TSC22D1: variants seen among roughly 807,000 people sequenced by gnomAD.
TSC22D1 encodes the protein TSC22 domain family protein 1.
TSC22D1 carries 9 observed loss-of-function variants against 74.2 expected under a neutral mutation model. That is an observed-to-expected ratio of 0.12 (90% CI 0.07 to 0.21). The LOEUF is 0.21. Ranked by LOEUF, TSC22D1 falls within the 10% of genes least tolerant of loss-of-function variation. TSC22D1 has a pLI of 1.00. For synonymous variants in TSC22D1, 586 were observed against 492.5 expected, an observed-to-expected ratio of 1.19 and a Z score of -2.51; for missense variants, 1,427 against 1,304.7, an observed-to-expected ratio of 1.09 and a Z score of -1.44.
chr13:44,504,160 G>A (rs7337001), intron 1 of TSC22D1, among the ~76,000 whole-genome samples: 3 of 147,172 alleles, frequency 2.0e-5, no homozygotes, highest in African/African-American at 7.5e-5. Context: ...AAAACTACTT[G>A]ACTTGACTTG....
At chr13:44,490,937 A>T (rs1175239) in intron 1 of TSC22D1, among the ~76,000 whole-genome samples, 25,277 of 149,646 alleles carry the variant, frequency 0.17, 4,213 homozygotes, top group African/African-American at 0.43. Context: ...CATTAAAAAA[A>T]ATATATATAC....
At position 44,574,994 on chromosome 13, in the gene TSC22D1, C is replaced by T. The variant is rs753595410; in HGVS notation, c.1081G>A (p.Val361Met). The T allele has an allele frequency of 5.0e-6, 8 of 1,614,148 alleles. No homozygotes were observed. The highest frequency in any genetic ancestry group is 2.2e-5 in the East Asian group (1 of 44,884). Residue 361 changes from valine to methionine, a missense_variant, in exon 1 of 3, where the codon GTG becomes ATG. This residue lies in a region of TSC22D1 where 1,343 missense variants were observed against 1,191.5 expected (regional missense o/e 1.13). Transcript: ENST00000458659. ...VGPGVTSGVNVNILSGMGNGT... is the reference protein window; with the variant it reads ...VGPGVTSGVNMNILSGMGNGT... The stretch of plus-strand genomic sequence containing the variant: ...TTGCCCATGCCACTCAAGATATTCA[C>T]ATTAACACCACTGGTAACTCCAGGC...
intron 1 of TSC22D1, among the ~76,000 whole-genome samples, chr13:44,552,278 G>T (rs1882331975): frequency 6.6e-6 from 1 of 152,158 alleles, no homozygotes; most frequent in South Asian, 2.1e-4. Flanking sequence ...CTAGGAAATG[G>T]ATAAATAATA....
chr13:44,494,483 G>T (rs1878874030), intron 1 of TSC22D1, among the ~76,000 whole-genome samples: 1 of 150,144 alleles, frequency 6.7e-6, no homozygotes, highest in African/African-American at 2.5e-5. Context: ...GCTTGAGCCT[G>T]GGAGGTCAAG....
chr13:44,537,800 A>G, intron 1 of TSC22D1: 3 of 984,346 alleles, frequency 3.0e-6, no homozygotes, highest in Non-Finnish European at 3.6e-6. Flanking sequence ...AAATACAGAT[A>G]GCCAAGAAAG....
chr13:44,439,863 A>G (rs1216535306), intron 1 of TSC22D1, among the ~76,000 whole-genome samples: 1 of 152,240 alleles, frequency 6.6e-6, no homozygotes, highest in East Asian at 1.9e-4. Flanking sequence ...CTTTTCTTCC[A>G]AACTTAATCT....
At chr13:44,563,271 G>T (rs1354608192) in intron 1 of TSC22D1, among the ~76,000 whole-genome samples, 1 of 152,162 alleles carries the variant, frequency 6.6e-6, no homozygotes, top group Non-Finnish European at 1.5e-5. Context: ...TGCTTTGAGA[G>T]AGAAGACAGG....
chr13:44,494,226 A>C (rs1203765818), intron 1 of TSC22D1, among the ~76,000 whole-genome samples: 2 of 151,762 alleles, frequency 1.3e-5, no homozygotes. Flanking sequence ...AAATACAAAA[A>C]TTAGCCAGGC....
At chr13:44,548,597 A>C (rs901968641) in intron 1 of TSC22D1, among the ~76,000 whole-genome samples, 1 of 152,346 alleles carries the variant, frequency 6.6e-6, no homozygotes, top group South Asian at 2.1e-4. Context: ...CAAGACAGTA[A>C]AACTATGTAA....
chr13:44,489,504 T>TA (rs200792613), intron 1 of TSC22D1, among the ~76,000 whole-genome samples: 30 of 145,394 alleles, frequency 2.1e-4, no homozygotes, highest in Admixed American at 3.4e-4. Flanking sequence ...AAATCAATAA[T>TA]AAAAAAAAAA....
At chr13:44,474,567 A>C (rs915419244) in intron 1 of TSC22D1, among the ~76,000 whole-genome samples, 1 of 152,194 alleles carries the variant, frequency 6.6e-6, no homozygotes, top group Non-Finnish European at 1.5e-5. Context: ...TCTTGATCCC[A>C]AAATCAGGAA....
chr13:44,507,025 C>T (rs1384016795), intron 1 of TSC22D1, among the ~76,000 whole-genome samples: 1 of 152,096 alleles, frequency 6.6e-6, no homozygotes, highest in Non-Finnish European at 1.5e-5. Flanking sequence ...GGACAATCAT[C>T]AATAGAAGCT....
At chr13:44,516,409 A>G in intron 1 of TSC22D1, 1 of 407,852 alleles carries the variant, frequency 2.5e-6, no homozygotes, top group Non-Finnish European at 4.7e-6. Context: ...AAAGTTCCTG[A>G]AGACTTGAAA....
At position 44,437,197 on chromosome 13, in the gene TSC22D1, G is replaced by A; in HGVS notation, c.2913-1102C>T. On this transcript the variant is annotated intron_variant, in intron 1 of 2. Coordinates refer to ENST00000458659, the MANE Select transcript of TSC22D1 (RefSeq NM_183422.4). ...TTACGTTTAAGGGAGTCAGACCCCG[G>A]TCCCCGGAGCTGTGTCCCGCGGCTG... The A allele has an allele frequency of 5.1e-6, 5 of 985,534 alleles. No homozygotes were observed. In the South Asian group the frequency reaches 1.9e-4, roughly 37 times the overall value. The allele number at this position is 985,534 out of a possible 1,614,324, so 61.0% of individuals were successfully genotyped here.
At chr13:44,543,546 C>T (rs936382968) in intron 1 of TSC22D1, among the ~76,000 whole-genome samples, 8 of 152,178 alleles carry the variant, frequency 5.3e-5, no homozygotes, top group African/African-American at 1.9e-4. Context: ...TCACAAATTC[C>T]TCTAAGTATC....
chr13:44,444,485 G>GA (rs1395616320), intron 1 of TSC22D1, among the ~76,000 whole-genome samples: 1 of 151,810 alleles, frequency 6.6e-6, no homozygotes, highest in Non-Finnish European at 1.5e-5. Flanking sequence ...TAAGAATATG[G>GA]AAGAAGATAT....
At chr13:44,462,548 A>G (rs1460531308) in intron 1 of TSC22D1, among the ~76,000 whole-genome samples, 1 of 152,212 alleles carries the variant, frequency 6.6e-6, no homozygotes. Context: ...TCACTACTCC[A>G]GTAAACCATT....
chr13:44,470,653 T>TC (rs1177119847), intron 1 of TSC22D1, among the ~76,000 whole-genome samples: 1 of 152,012 alleles, frequency 6.6e-6, no homozygotes, highest in Non-Finnish European at 1.5e-5. Flanking sequence ...TTATTTTCCT[T>TC]CCCCCAAATA....
At chr13:44,517,879 T>TTTTTTTTAA in intron 1 of TSC22D1, among the ~76,000 whole-genome samples, 1 of 120,732 alleles carries the variant, frequency 8.3e-6, no homozygotes, top group Non-Finnish European at 1.7e-5. Context: ...TTTTTTTTTT[T>TTTTTTTTAA]AACAAGGTCT....
Sources: gnomAD v4.1 joint callset for allele counts (sites outside exome capture counted in the v4.1 genomes callset) on GRCh38, gnomAD v4.1.1 for gene constraint, gnomAD v4.1.1 regional missense constraint, MANE v1.5 for transcripts, NCBI Gene and HGNC (gene_info 2026-07-23, HGNC 2026-07-21) for gene names.